Variants in CLEC2L observed in about 807,000 individuals in gnomAD.
CLEC2L encodes the protein C-type lectin domain family 2, member L.
CLEC2L carries 14 observed loss-of-function variants against 23.6 expected under a neutral mutation model. The observed-to-expected ratio is 0.59, with a 90% confidence interval of 0.39 to 0.93. The LOEUF (loss-of-function observed/expected upper bound fraction) is 0.93, where lower values mean the gene tolerates loss of function less well. Among genes scored for constraint, CLEC2L ranks in the 40% least tolerant of loss-of-function variants. The probability of loss-of-function intolerance (pLI) is 0.00; values close to 1 mark genes in which losing one functional copy is unlikely to be tolerated. For missense variants in CLEC2L, 264 were observed against 282.4 expected, an observed-to-expected ratio of 0.93 and a Z score of 0.47; for synonymous variants, 114 against 121.3, an observed-to-expected ratio of 0.94 and a Z score of 0.40.
chr7:139,526,363 C>T (rs2530724), intron 1 of CLEC2L, among the ~76,000 whole-genome samples: 2 of 152,186 alleles, frequency 1.3e-5, no homozygotes, highest in African/African-American at 4.8e-5. Context: ...TAGAGAGAGA[C>T]GGGTCTGGCG....
Position 139,540,313 on chromosome 7 carries a change from C to T in CLEC2L, c.266-8C>T. The T allele has an allele frequency of 6.2e-7, 1 of 1,603,452 alleles. No individual in the cohort carries two copies. Among genetic ancestry groups the T allele is most frequent in the Non-Finnish European group, 8.5e-7 (1 of 1,175,680 alleles). ...GCGGGCAGGGCCGAGCTGGTCTCTT[C>T]CCTGCAGCTTCCAAGGGCTGCATCA... On this transcript the variant is annotated splice_polypyrimidine_tract_variant and splice_region_variant and intron_variant, in intron 2 of 4. Transcript: ENST00000422142. The surrounding 1 kb of genome is among the most constrained non-coding windows in gnomAD (Gnocchi z 5.8).
rs960572884 is a variant in CLEC2L at position 139,534,355 on chromosome 7, A to G, written c.191-1919A>G. 4.8e-6 allele frequency: 5 copies of G among 1,049,716 alleles called. No individual in the cohort carries two copies. In the African/African-American group the frequency reaches 7.8e-5, roughly 16 times the overall value. 65.0% of individuals were successfully genotyped at this position (1,049,716 alleles called of 1,614,324 possible). ...AGGCGTTTGTAAAATGTATGAAGAC[A>G]TGTGAAAAGAATGAATCCCAACAGT... is the stretch of plus-strand genomic sequence containing the variant. On this transcript the variant is annotated intron_variant, in intron 1 of 4. Coordinates refer to ENST00000422142, the MANE Select transcript of CLEC2L (RefSeq NM_001080511.4).
Position 139,544,458 on chromosome 7 carries a change from G to A in CLEC2L, c.*116G>A. ...CTCTGCAAGGCGAAGCGGTGGGTGC[G>A]TGGCCTCCGCCCCAGGCCCCTCTCC... On this transcript the variant is annotated 3_prime_UTR_variant, in exon 5 of 5. Transcript: ENST00000422142. The A allele has an allele frequency of 7.1e-6, 5 of 706,860 alleles. No individual in the cohort carries two copies. The highest frequency in any genetic ancestry group is 9.5e-6 in the Non-Finnish European group (4 of 421,146). The allele number at this position is 706,860 out of a possible 1,614,324, so 43.8% of individuals were successfully genotyped here. A position where few individuals can be genotyped will look rare whatever the true frequency, so the allele number is the denominator to read the frequency against.
chr7:139,544,684 C>T lies in CLEC2L; in HGVS notation c.*342C>T, dbSNP rs530581517. 4.7e-6 allele frequency: 1 copy of T among 211,512 alleles called. No homozygotes were observed. Among genetic ancestry groups the T allele is most frequent in the Non-Finnish European group, 9.5e-6 (1 of 105,678 alleles). The allele number at this position is 211,512 out of a possible 1,614,324, so 13.1% of individuals were successfully genotyped here. On this transcript the variant is annotated 3_prime_UTR_variant, in exon 5 of 5. Transcript: ENST00000422142. ...ATCCTGAGCCACCCCACAGATCTCT[C>T]TCCGGCCCCCTAGAAGCCCTCTCCT... is the stretch of plus-strand genomic sequence containing the variant.
chr7:139,544,592 C>T lies in CLEC2L; in HGVS notation c.*250C>T. 2 of 538,636 alleles carry T rather than the reference C, an allele frequency of 3.7e-6. No homozygotes were observed. The highest frequency in any genetic ancestry group is 3.1e-5 in the East Asian group (1 of 31,792). The allele number at this position is 538,636 out of a possible 1,614,324, so 33.4% of individuals were successfully genotyped here. ...GCTAGGTAGTGTAGGCATCTGCCCACCTACACACACACACATGCATAGGTA... is the reference window on the plus strand; with the variant it reads ...GCTAGGTAGTGTAGGCATCTGCCCATCTACACACACACACATGCATAGGTA... On this transcript the variant is annotated 3_prime_UTR_variant, in exon 5 of 5. Transcript: ENST00000422142.
intron 1 of CLEC2L, 91 bp downstream of exon 1, chr7:139,524,208 C>G: frequency 3.0e-6 from 3 of 992,522 alleles, no homozygotes; most frequent in Non-Finnish European, 3.6e-6. Flanking sequence ...ACCTTGGCCG[C>G]TGTCCCGGAG....
intron 3 of CLEC2L, 23 bp from the exon 4 acceptor site, chr7:139,541,998 G>A (rs1797741437): frequency 1.3e-5 from 20 of 1,550,230 alleles, no homozygotes; most frequent in Non-Finnish European, 1.5e-5. Flanking sequence ...TGACCCTGAG[G>A]TGTCCCTTTT....
chr7:139,531,609 A>T (rs1797583148), intron 1 of CLEC2L, among the ~76,000 whole-genome samples: 4 of 152,156 alleles, frequency 2.6e-5, no homozygotes, highest in Admixed American at 2.6e-4. Flanking sequence ...TCAATAATAT[A>T]ATTAAAGAAA....
chr7:139,541,984 C>T (rs1190670623), intron 3 of CLEC2L, 37 bp from the exon 4 acceptor site: 1 of 1,421,210 alleles, frequency 7.0e-7, no homozygotes, highest in African/African-American at 1.4e-5. Flanking sequence ...CAGGAGACCG[C>T]ATCTGACCCT....
At chr7:139,529,723 C>T (rs1052397762) in intron 1 of CLEC2L, among the ~76,000 whole-genome samples, 2 of 152,192 alleles carry the variant, frequency 1.3e-5, no homozygotes, top group Non-Finnish European at 2.9e-5. Flanking sequence ...GTCAAGATGG[C>T]GAACTGAACA....
Position 139,539,237 on chromosome 7 carries a change from T to TA in CLEC2L, c.266-1080dup, listed in dbSNP as rs1282605578. On this transcript the variant is annotated intron_variant, in intron 2 of 4. Coordinates refer to ENST00000422142, the MANE Select transcript of CLEC2L (RefSeq NM_001080511.4). This position sits in a 1 kb window ranked among gnomAD's most constrained non-coding sequence, Gnocchi z 4.1. ...ACAGATGGGTGAAAGAAATCAAGAT[T>TA]AAAATGTATCTTGAATAACTCAAAT... 4.6e-5 allele frequency: 7 copies of TA among 152,162 alleles called. No homozygotes were observed. The highest frequency in any genetic ancestry group is 1.3e-4 in the Admixed American group (2 of 15,286). 9.4% of individuals were successfully genotyped at this position (152,162 alleles called of 1,614,324 possible).
chr7:139,543,005 C>CGAT (rs896413667), intron 4 of CLEC2L, among the ~76,000 whole-genome samples: 3 of 152,138 alleles, frequency 2.0e-5, no homozygotes, highest in East Asian at 1.9e-4. Flanking sequence ...GCTCCTAACC[C>CGAT]GATGATGATG....
intron 1 of CLEC2L, among the ~76,000 whole-genome samples, chr7:139,530,378 G>T (rs1417688457): frequency 2.0e-5 from 3 of 152,168 alleles, no homozygotes; most frequent in Non-Finnish European, 4.4e-5. Flanking sequence ...GACCTCTAAG[G>T]CTCAGGGGTT....
At chr7:139,543,500 G>T (rs1368058178) in intron 4 of CLEC2L, among the ~76,000 whole-genome samples, 2 of 152,210 alleles carry the variant, frequency 1.3e-5, no homozygotes, top group South Asian at 2.1e-4. Context: ...TGTTGTGAGG[G>T]TCTACCTCCA....
intron 1 of CLEC2L, chr7:139,534,194 G>A: frequency 1.3e-6 from 1 of 761,852 alleles, no homozygotes; most frequent in Non-Finnish European, 2.4e-6. Flanking sequence ...AGAACTACCG[G>A]TAGCAGCGGT....
rs1470061788 is a variant in CLEC2L at position 139,540,174 on chromosome 7, T to A, written c.266-147T>A. On this transcript the variant is annotated intron_variant, in intron 2 of 4. Transcript: ENST00000422142. The surrounding 1 kb of genome is among the most constrained non-coding windows in gnomAD (Gnocchi z 5.8). ...TTTCTCATTCATTTAGTGGCCACCC[T>A]TTTACCTCCAGGCACCAGGAGAGGA... The A allele has an allele frequency of 1.4e-6, 1 of 739,578 alleles. No homozygotes were observed. The allele number at this position is 739,578 out of a possible 1,614,324, so 45.8% of individuals were successfully genotyped here. A position where few individuals can be genotyped will look rare whatever the true frequency, so the allele number is the denominator to read the frequency against.
At chr7:139,541,962 T>A in intron 3 of CLEC2L, 59 bp from the exon 4 acceptor site, 2 of 1,144,980 alleles carry the variant, frequency 1.7e-6, no homozygotes, top group Non-Finnish European at 2.6e-6. Flanking sequence ...TGTCTTGGGA[T>A]GTGACAGCAG....
At chr7:139,528,755 G>T (rs139195265) in intron 1 of CLEC2L, among the ~76,000 whole-genome samples, 48 of 152,322 alleles carry the variant, frequency 3.2e-4, no homozygotes, top group African/African-American at 1.1e-3. Context: ...GACTGATGTG[G>T]TTGCAAGCCA....
rs549068908 is a variant in CLEC2L at position 139,530,879 on chromosome 7, C to T, written c.191-5395C>T. Among the ~76,000 whole-genome samples the T allele has an allele frequency of 8.6e-5, 13 of 151,640 alleles. No homozygotes were observed. In the East Asian group the frequency reaches 2.5e-3, roughly 29 times the overall value. ...ACCACACTGAGAGCAAGCAACTAAG[C>T]CAACATTTACATACTGAATGCTGAG... On this transcript the variant is annotated intron_variant, in intron 1 of 4. Coordinates refer to ENST00000422142, the MANE Select transcript of CLEC2L (RefSeq NM_001080511.4).
Sources: gnomAD v4.1 joint callset for allele counts (sites outside exome capture counted in the v4.1 genomes callset) on GRCh38, gnomAD v4.1.1 for gene constraint, Gnocchi (gnomAD v3.1) non-coding constraint, MANE v1.5 for transcripts, NCBI Gene and HGNC (gene_info 2026-07-23, HGNC 2026-07-21) for gene names.